Variants in LRRK1 observed in about 807,000 individuals in gnomAD.
The protein encoded by LRRK1 is leucine-rich repeat serine/threonine-protein kinase 1.
LRRK1 carries 113 observed loss-of-function variants against 209.1 expected under a neutral mutation model. The observed-to-expected ratio is 0.54, with a 90% confidence interval of 0.46 to 0.63. The LOEUF (loss-of-function observed/expected upper bound fraction) is 0.63, where lower values mean the gene tolerates loss of function less well. Among genes scored for constraint, LRRK1 ranks in the 30% least tolerant of loss-of-function variants. The pLI is 0.00. For synonymous variants in LRRK1, 1,144 were observed against 1,099.7 expected (o/e 1.04, Z -0.80); for missense variants, 2,284 against 2,632.2 (o/e 0.87, Z 2.89).
In LRRK1 at chr15:101,065,772, G is replaced by T. The variant is rs751445121; in HGVS notation, c.5335G>T (p.Val1779Phe). The T allele has an allele frequency of 2.0e-5, 33 of 1,613,984 alleles. No individual in the cohort carries two copies. Among genetic ancestry groups the T allele is most frequent in the Non-Finnish European group, 2.8e-5 (33 of 1,180,030 alleles). ...GCTGTGTGCCCGGTACTTCTGCGGG[G>T]TCCCCAGCCCCCTCAGGGACATGTT... ...YQLCARYFCG[V>F]PSPLRDMFPV... is the part of the protein sequence containing the mutation. Residue 1779 changes from valine to phenylalanine, a missense_variant, in exon 32 of 34, where the codon GTC becomes TTC. Around this residue, in one of 6 missense-constraint regions of LRRK1, gnomAD observed 643 missense variants for 695.9 expected, o/e 0.92. Transcript: ENST00000388948.
At chr15:101,053,123 G>A (rs1205540941) in intron 25 of LRRK1, 35 bp downstream of exon 25, 2 of 1,594,088 alleles carry the variant, frequency 1.3e-6, no homozygotes, top group African/African-American at 1.3e-5. Context: ...GTTTTTCTCA[G>A]ACATATGCTG....
In LRRK1 at chr15:101,008,986, C is replaced by T. The variant is rs540396309; in HGVS notation, c.912C>T (p.Leu304=). The T allele has an allele frequency of 2.5e-6, 4 of 1,614,182 alleles. No homozygotes were observed. In the African/African-American group the frequency reaches 4.0e-5, roughly 16 times the overall value. The change falls in exon 7 of 34, where the codon CTC becomes CTT. Residue 304 remains leucine (L), a synonymous_variant. Coordinates refer to ENST00000388948, the MANE Select transcript of LRRK1 (RefSeq NM_024652.6). The stretch of plus-strand genomic sequence containing the variant: ...TTATCCCCTGGGGCCTCATCAATCT[C>T]CGGAAGCTGAACCTCTCCGACAACC... The part of the protein sequence containing the change: ...PSVIPWGLIN[L]RKLNLSDNHL...
At chr15:100,950,947 C>CA (rs879407730) in intron 2 of LRRK1, among the ~76,000 whole-genome samples, 5 of 151,918 alleles carry the variant, frequency 3.3e-5, no homozygotes, top group East Asian at 1.9e-4. Context: ...ACTAAAAATA[C>CA]AAAAAATTAG....
rs1357830607 is a variant in LRRK1, at chr15:101,062,556, A to G, written c.4798-18A>G. ...CTTTCCAGCCTGGGTCTCACAGTGGACCTGTCTGCCTCTGCAGGACCAGAA... is the reference window on the plus strand; with the variant it reads ...CTTTCCAGCCTGGGTCTCACAGTGGGCCTGTCTGCCTCTGCAGGACCAGAA... On this transcript the variant is annotated intron_variant, in intron 30 of 33. Transcript: ENST00000388948. 22 of 1,533,006 alleles carry G rather than the reference A, an allele frequency of 1.4e-5. No homozygotes were observed. The highest frequency in any genetic ancestry group is 1.8e-5 in the Non-Finnish European group (20 of 1,106,092). The allele number at this position is 1,533,006 out of a possible 1,614,324, so 95.0% of individuals were successfully genotyped here. A position where few individuals can be genotyped will look rare whatever the true frequency, so the allele number is the denominator to read the frequency against.
chr15:101,045,427 CGA>C (rs2035016305), intron 20 of LRRK1, among the ~76,000 whole-genome samples: 1 of 152,150 alleles, frequency 6.6e-6, no homozygotes, highest in African/African-American at 2.4e-5. Flanking sequence ...TTATGATGAC[CGA>C]GAGTGTTCTC....
At chr15:101,036,772 C>T (rs756098493) in intron 20 of LRRK1, among the ~76,000 whole-genome samples, 4 of 152,186 alleles carry the variant, frequency 2.6e-5, no homozygotes, top group Admixed American at 6.5e-5. Context: ...CAGGGGAGAA[C>T]TTTCTCCTGA....
intron 31 of LRRK1, chr15:101,064,895 G>T (rs572340829): frequency 1.2e-5 from 2 of 170,700 alleles, no homozygotes; most frequent in Admixed American, 1.1e-4. Context: ...GTGGCAGGCA[G>T]GGGGCAGTGC....
intron 32 of LRRK1, 52 bp from the exon 33 acceptor site, chr15:101,066,588 G>T (rs959790470): frequency 3.2e-6 from 5 of 1,553,998 alleles, no homozygotes; most frequent in Non-Finnish European, 4.4e-6. Context: ...TCACTCCCCG[G>T]AGAGCACGGC....
rs1388146149 is a variant in LRRK1 at position 101,076,660 on chromosome 15, C to A, written c.*7812C>A. The A allele has an allele frequency of 1.3e-5, 2 of 152,310 alleles. No homozygotes were observed. The highest frequency in any genetic ancestry group is 6.5e-5 in the Admixed American group (1 of 15,280). The allele number at this position is 152,310 out of a possible 1,614,324, so 9.4% of individuals were successfully genotyped here. Reference sequence around the variant, plus strand: ...AAATCTATCCTCAAGGAAATAACTTCTCAGTGTTCCATCTGCTATTCTACT... The same window carrying A: ...AAATCTATCCTCAAGGAAATAACTTATCAGTGTTCCATCTGCTATTCTACT... On this transcript the variant is annotated 3_prime_UTR_variant, in exon 34 of 34. Coordinates refer to ENST00000388948, the MANE Select transcript of LRRK1 (RefSeq NM_024652.6).
intron 1 of LRRK1, among the ~76,000 whole-genome samples, chr15:100,924,166 G>GC (rs1477077899): frequency 1.3e-5 from 2 of 152,206 alleles, no homozygotes; most frequent in African/African-American, 4.8e-5. Flanking sequence ...GCCTCCTTGA[G>GC]CCATCTTGGT....
intron 2 of LRRK1, among the ~76,000 whole-genome samples, chr15:100,935,481 G>T (rs1780464372): frequency 6.6e-6 from 1 of 152,164 alleles, no homozygotes; most frequent in Admixed American, 6.5e-5. Context: ...ACCAAATGGG[G>T]CTGGAGAGGT....
chr15:100,941,432 G>GTCTCTGTGTCTT (rs1409393845), intron 2 of LRRK1, among the ~76,000 whole-genome samples: 4 of 80,358 alleles, frequency 5.0e-5, no homozygotes, highest in East Asian at 6.8e-4. Context: ...GTGTGTCTGT[G>GTCTCTGTGTCTT]TGTGTGTGTG....
chr15:101,054,876 G>A (rs1294539220), intron 26 of LRRK1, 70 bp from the exon 27 acceptor site: 7 of 1,307,916 alleles, frequency 5.4e-6, no homozygotes, highest in Admixed American at 2.2e-5. Flanking sequence ...AAAGACAGTT[G>A]TTATCATGAT....
At position 100,969,497 on chromosome 15, in the gene LRRK1, G is replaced by T. The variant is rs574110802; in HGVS notation, c.98-4307G>T. 3.4e-4 allele frequency among the ~76,000 whole-genome samples: 52 copies of T among 151,330 alleles called. 1 individual carries two copies. The highest frequency in any genetic ancestry group is 3.1e-3 in the Admixed American group (47 of 15,212). ...TCAGTTATTTTTTCTTTTTTTTCAA[G>T]TTTTTTTTTCAAGTTCAGGGGTACA... On this transcript the variant is annotated intron_variant, in intron 2 of 33. Coordinates refer to ENST00000388948, the MANE Select transcript of LRRK1 (RefSeq NM_024652.6).
Position 101,024,756 on chromosome 15 carries a change from C to A in LRRK1, c.2068-47C>A, listed in dbSNP as rs369520743. 1.0e-5 allele frequency: 16 copies of A among 1,590,636 alleles called. No individual in the cohort carries two copies. In the African/African-American group the frequency reaches 2.1e-4, roughly 21 times the overall value. On this transcript the variant is annotated intron_variant, in intron 15 of 33. Coordinates refer to ENST00000388948, the MANE Select transcript of LRRK1 (RefSeq NM_024652.6). The surrounding 1 kb of genome is among the most constrained non-coding windows in gnomAD (Gnocchi z 4.6). ...TTGTCTCCGTTTGATTGACTGAAGC[C>A]TTTGTCTCTAAAATGCCTCCCTGTC...
In LRRK1 at chr15:101,028,980, G is replaced by T; in HGVS notation, c.2711G>T (p.Gly904Val). The change falls in exon 20 of 34, where the codon GGC (glycine) becomes GTC (valine). Residue 904 changes from glycine (G) to valine (V), a missense_variant. Physicochemically the swap from Gly to Val is moderately radical, Grantham distance 109. Around this residue, in one of 6 missense-constraint regions of LRRK1, gnomAD observed 780 missense variants for 985.2 expected, o/e 0.79. Transcript: ENST00000388948. ...QSAISFLIET[G>V]TLLHFPDTSH... ...GCCATCAGCTTCCTCATAGAAACCG[G>T]CACCCTGCTCCATTTCCCGGACACC... 1 of 1,614,048 alleles carries T rather than the reference G, an allele frequency of 6.2e-7. No individual in the cohort carries two copies. The highest frequency in any genetic ancestry group is 1.1e-5 in the South Asian group (1 of 91,056).
chr15:100,990,330 G>T (rs964492201), intron 6 of LRRK1, among the ~76,000 whole-genome samples: 30 of 152,124 alleles, frequency 2.0e-4, no homozygotes, highest in Admixed American at 1.8e-3. Flanking sequence ...GTGGACATTT[G>T]AAATAGTTCT....
chr15:100,960,840 CTCT>C (rs1455043837), intron 2 of LRRK1, among the ~76,000 whole-genome samples: 1 of 152,176 alleles, frequency 6.6e-6, no homozygotes, highest in Non-Finnish European at 1.5e-5. Flanking sequence ...TTCTGTGTTT[CTCT>C]TCTTCTACAG....
intron 5 of LRRK1, 71 bp downstream of exon 5, chr15:100,988,884 G>A (rs1013956840): frequency 1.6e-6 from 2 of 1,272,690 alleles, no homozygotes; most frequent in Admixed American, 4.8e-5. Flanking sequence ...GTGGGACTGT[G>A]TCTTTATTCT....
Sources: allele counts gnomAD v4.1 joint callset (sites outside exome capture counted in the v4.1 genomes callset), GRCh38; gene constraint gnomAD v4.1.1; regional missense constraint gnomAD v4.1.1; non-coding constraint Gnocchi (gnomAD v3.1); transcripts MANE v1.5; gene names NCBI Gene and HGNC (gene_info 2026-07-23, HGNC 2026-07-21).